Variants in NCK2 observed in about 807,000 individuals in gnomAD.
NCK2 encodes cytoplasmic protein NCK2.
NCK2 carries 16 observed loss-of-function variants against 33.9 expected under a neutral mutation model. The ratio of observed to expected loss-of-function variants is 0.47; its 90% confidence interval spans 0.32 to 0.72. The LOEUF (loss-of-function observed/expected upper bound fraction) is 0.72, where lower values mean the gene tolerates loss of function less well. Among genes scored for constraint, NCK2 ranks in the 30% least tolerant of loss-of-function variants. NCK2 has a pLI of 0.03. For synonymous variants in NCK2, 273 were observed against 239.9 expected, an observed-to-expected ratio of 1.14 and a Z score of -1.27; for missense variants, 418 against 537.3, an observed-to-expected ratio of 0.78 and a Z score of 2.19.
chr2:105,750,037 A>ACACACACAC (rs1553449506), intron 1 of NCK2, among the ~76,000 whole-genome samples: 3 of 144,456 alleles, frequency 2.1e-5, no homozygotes, highest in African/African-American at 7.7e-5. Flanking sequence ...AAAGCAAACA[A>ACACACACAC]ACACACACAC....
chr2:105,808,104 T>C (rs1320287467), intron 1 of NCK2, among the ~76,000 whole-genome samples: 1 of 152,142 alleles, frequency 6.6e-6, no homozygotes, highest in African/African-American at 2.4e-5. Context: ...GGTTTCACCA[T>C]GTTGGCCAGG....
At chr2:105,872,531 G>C (rs1486249733) in intron 3 of NCK2, among the ~76,000 whole-genome samples, 1 of 152,126 alleles carries the variant, frequency 6.6e-6, no homozygotes, top group Non-Finnish European at 1.5e-5. Context: ...CTGCAACTTG[G>C]GTTTGTGTAA....
At chr2:105,831,726 T>A (rs1464040390) in intron 2 of NCK2, among the ~76,000 whole-genome samples, 3 of 152,160 alleles carry the variant, frequency 2.0e-5, no homozygotes, top group Non-Finnish European at 4.4e-5. Flanking sequence ...TATTTCTGGG[T>A]TCTCTATTCT....
intron 4 of NCK2, among the ~76,000 whole-genome samples, chr2:105,889,768 T>C (rs1558889976): frequency 1.3e-5 from 2 of 151,954 alleles, no homozygotes; most frequent in Admixed American, 6.6e-5. Flanking sequence ...AAATTTTATG[T>C]AGAGATAGGG....
chr2:105,745,114 G>C lies in NCK2; in HGVS notation c.-225G>C, dbSNP rs1257030375. On this transcript the variant is annotated 5_prime_UTR_variant, in exon 1 of 5. Coordinates refer to ENST00000233154, the MANE Select transcript of NCK2 (RefSeq NM_003581.5). ...CCCGGGACCCGCGCCGCTGCCCTCC[G>C]GCTCCGCGGGCGGCCCACGGCGAGG... 1 of 148,160 alleles carries C rather than the reference G, an allele frequency of 6.7e-6. No homozygotes were observed. The highest frequency in any genetic ancestry group is 2.4e-5 in the African/African-American group (1 of 40,988). 9.2% of individuals were successfully genotyped at this position (148,160 alleles called of 1,614,324 possible). A position where few individuals can be genotyped will look rare whatever the true frequency, so the allele number is the denominator to read the frequency against.
Position 105,855,216 on chromosome 2 carries a change from A to G in NCK2, c.153A>G (p.Val51=), listed in dbSNP as rs2104583941. The change falls in exon 3 of 5, where the codon GTA becomes GTG. Residue 51 remains valine, a synonymous_variant. Transcript: ENST00000233154. The part of the protein sequence containing the change: ...VRNAANRTGY[V]PSNYVERKNS... ...ACGCGGCCAACAGGACGGGCTATGT[A>G]CCGTCCAACTACGTGGAGCGGAAGA... is the stretch of plus-strand genomic sequence containing the variant. The G allele has an allele frequency of 1.2e-6, 2 of 1,614,078 alleles. No individual in the cohort carries two copies. The highest frequency in any genetic ancestry group is 1.1e-5 in the South Asian group (1 of 91,044).
chr2:105,762,899 T>G (rs1689811727), intron 1 of NCK2, among the ~76,000 whole-genome samples: 1 of 152,052 alleles, frequency 6.6e-6, no homozygotes, highest in Non-Finnish European at 1.5e-5. Flanking sequence ...GAAAATCACT[T>G]AAAAGCAACC....
In NCK2 at chr2:105,883,960, T is replaced by C. The variant is rs146426064; in HGVS notation, c.948+1911T>C. On this transcript the variant is annotated intron_variant, in intron 4 of 4. Transcript: ENST00000233154. ...TCTGCACACATAGCAGCACCGTCTT[T>C]GTCTGAGGTTCCACGTGGCCTGATG... Among the ~76,000 whole-genome samples, 360 of 152,320 alleles carry C rather than the reference T, an allele frequency of 2.4e-3. 1 individual carries two copies. Among genetic ancestry groups the C allele is most frequent in the African/African-American group, 7.7e-3 (318 of 41,568 alleles).
At position 105,808,149 on chromosome 2, in the gene NCK2, T is replaced by C. The variant is rs184397616; in HGVS notation, c.-200-8281T>C. Among the ~76,000 whole-genome samples, 23 of 152,212 alleles carry C rather than the reference T, an allele frequency of 1.5e-4. No individual in the cohort carries two copies. In the East Asian group the frequency reaches 4.1e-3, roughly 27 times the overall value. ...ATCTGACCTCATGATCCACCCACCTTGGCCTCCCAAAGTGCTGGGATTACA... is the reference window on the plus strand; with the variant it reads ...ATCTGACCTCATGATCCACCCACCTCGGCCTCCCAAAGTGCTGGGATTACA... On this transcript the variant is annotated intron_variant, in intron 1 of 4. Coordinates refer to ENST00000233154, the MANE Select transcript of NCK2 (RefSeq NM_003581.5).
At chr2:105,813,604 G>T (rs1024587248) in intron 1 of NCK2, among the ~76,000 whole-genome samples, 8 of 152,214 alleles carry the variant, frequency 5.3e-5, no homozygotes, top group Non-Finnish European at 1.2e-4. Context: ...TGCAGAATCG[G>T]CCACGACTGC....
chr2:105,882,977 T>C (rs1294078203), intron 4 of NCK2, among the ~76,000 whole-genome samples: 1 of 152,182 alleles, frequency 6.6e-6, no homozygotes, highest in Non-Finnish European at 1.5e-5. Context: ...ACTGGCACAA[T>C]GAATAAGTGC....
chr2:105,891,271 CT>C (rs778823483), intron 4 of NCK2, among the ~76,000 whole-genome samples: 2,920 of 147,792 alleles, frequency 0.02, 41 homozygotes, highest in Non-Finnish European at 0.03. Flanking sequence ...TGTTTGTTTT[CT>C]TTTTTTTTTT....
At chr2:105,767,979 A>C (rs1315302788) in intron 1 of NCK2, among the ~76,000 whole-genome samples, 1 of 152,166 alleles carries the variant, frequency 6.6e-6, no homozygotes, top group Non-Finnish European at 1.5e-5. Flanking sequence ...AAAAAAATGG[A>C]CATCAGTACT....
chr2:105,820,512 C>A (rs1398552379), intron 2 of NCK2, among the ~76,000 whole-genome samples: 1 of 152,154 alleles, frequency 6.6e-6, no homozygotes, highest in Non-Finnish European at 1.5e-5. Flanking sequence ...CATTTCCCTA[C>A]CCTGTTTTCT....
chr2:105,844,468 A>C (rs4438502), intron 2 of NCK2, among the ~76,000 whole-genome samples: 29,928 of 151,836 alleles, frequency 0.2, 3,612 homozygotes, highest in East Asian at 0.32. Flanking sequence ...TCACGCCTGT[A>C]ATCTCAGCAC....
At chr2:105,803,674 T>C (rs1674927781) in intron 1 of NCK2, among the ~76,000 whole-genome samples, 1 of 152,224 alleles carries the variant, frequency 6.6e-6, no homozygotes, top group African/African-American at 2.4e-5. Flanking sequence ...TAGTCGTCTT[T>C]CACACTTGTG....
rs940447288 is a variant in NCK2, at chr2:105,824,431, C to T, written c.-17+7818C>T. The stretch of plus-strand genomic sequence containing the variant: ...ATTTTGTTGTGTTCACAAAGACCAA[C>T]GTCAGAAGTACTTGGGAAAGGCAGG... On this transcript the variant is annotated intron_variant, in intron 2 of 4. Transcript: ENST00000233154. 1.6e-4 allele frequency among the ~76,000 whole-genome samples: 24 copies of T among 152,302 alleles called. No individual in the cohort carries two copies. In the East Asian group the frequency reaches 3.9e-3, roughly 25 times the overall value.
chr2:105,862,959 CAGAA>C (rs1359325058), intron 3 of NCK2, among the ~76,000 whole-genome samples: 3 of 151,848 alleles, frequency 2.0e-5, no homozygotes. Flanking sequence ...TTTAAGAGGC[CAGAA>C]AGAATCATCG....
chr2:105,887,643 G>C (rs187792137), intron 4 of NCK2, among the ~76,000 whole-genome samples: 1 of 152,246 alleles, frequency 6.6e-6, no homozygotes, highest in South Asian at 2.1e-4. Flanking sequence ...GAAGAAAATC[G>C]CATTAATACA....
Sources: gnomAD v4.1 joint callset for allele counts (sites outside exome capture counted in the v4.1 genomes callset) on GRCh38, gnomAD v4.1.1 for gene constraint, MANE v1.5 for transcripts, NCBI Gene and HGNC (gene_info 2026-07-23, HGNC 2026-07-21) for gene names.